The following IFTAP variants were observed in gnomAD, a reference collection of about 807,000 sequenced individuals.
IFTAP encodes the protein intraflagellar transport-associated protein.
Under a neutral mutation model 19.4 loss-of-function variants are expected in IFTAP, and 19 were observed. The ratio of observed to expected loss-of-function variants is 0.98; its 90% CI spans 0.68 to 1.44. IFTAP has a LOEUF of 1.44. IFTAP is among the 40% of genes most tolerant of loss of function. The probability of loss-of-function intolerance (pLI) is 0.00; values close to 1 mark genes in which losing one functional copy is unlikely to be tolerated. For missense variants in IFTAP, 240 were observed against 253.6 expected, an observed-to-expected ratio of 0.95 and a Z score of 0.36; for synonymous variants, 85 against 83.5, an observed-to-expected ratio of 1.02 and a Z score of -0.10.
chr11:36,625,962 C>T (rs1358834523), intron 2 of IFTAP, among the ~76,000 whole-genome samples: 1 of 151,434 alleles, frequency 6.6e-6, no homozygotes, highest in East Asian at 1.9e-4. Context: ...GCAAGGAGGC[C>T]GGTGTGGCTG....
intron 4 of IFTAP, among the ~76,000 whole-genome samples, chr11:36,641,229 C>T (rs975030995): frequency 6.6e-6 from 1 of 151,948 alleles, no homozygotes; most frequent in African/African-American, 2.4e-5. Flanking sequence ...TAAAATAATG[C>T]TTCTCAATAT....
intron 5 of IFTAP, among the ~76,000 whole-genome samples, chr11:36,654,950 A>G (rs1853913425): frequency 6.6e-6 from 1 of 152,130 alleles, no homozygotes; most frequent in South Asian, 2.1e-4. Context: ...CCTGTCTCAT[A>G]TAATTTCCAA....
At chr11:36,612,800 C>CA (rs1488209058) in intron 2 of IFTAP, among the ~76,000 whole-genome samples, 1 of 151,994 alleles carries the variant, frequency 6.6e-6, no homozygotes, top group African/African-American at 2.4e-5. Flanking sequence ...TTAAAAGGGT[C>CA]AGTAATCCTA....
chr11:36,619,154 A>G (rs144109219), intron 2 of IFTAP, among the ~76,000 whole-genome samples: 1 of 152,042 alleles, frequency 6.6e-6, no homozygotes, highest in East Asian at 1.9e-4. Flanking sequence ...CGTTCTGTCA[A>G]GAGCTTAGAA....
At chr11:36,624,832 G>A (rs758050418) in intron 2 of IFTAP, among the ~76,000 whole-genome samples, 9 of 149,362 alleles carry the variant, frequency 6.0e-5, no homozygotes, top group Non-Finnish European at 1.3e-4. Flanking sequence ...AGATGACTTT[G>A]TGGAGCAAGG....
chr11:36,604,311 G>T (rs1169306263), intron 1 of IFTAP, among the ~76,000 whole-genome samples: 1 of 152,196 alleles, frequency 6.6e-6, no homozygotes, highest in African/African-American at 2.4e-5. Flanking sequence ...AACTTTTTTG[G>T]TGATAATGAA....
intron 1 of IFTAP, among the ~76,000 whole-genome samples, chr11:36,596,225 T>G (rs1015577718): frequency 1.3e-5 from 2 of 149,946 alleles, no homozygotes; most frequent in African/African-American, 2.4e-5. Flanking sequence ...TTTTTTTGTT[T>G]TTTTTTTTTT....
chr11:36,620,780 C>T (rs915301749), intron 2 of IFTAP, among the ~76,000 whole-genome samples: 2 of 151,726 alleles, frequency 1.3e-5, no homozygotes, highest in African/African-American at 4.8e-5. Context: ...AATATGCGTT[C>T]TCAGTGAAGA....
intron 2 of IFTAP, among the ~76,000 whole-genome samples, chr11:36,622,482 A>C (rs1852336647): frequency 6.6e-6 from 1 of 152,058 alleles, no homozygotes; most frequent in African/African-American, 2.4e-5. Flanking sequence ...TCATTTTGTT[A>C]CGGGCAGGGC....
chr11:36,628,074 G>T (rs377715868), intron 2 of IFTAP, among the ~76,000 whole-genome samples: 1 of 149,880 alleles, frequency 6.7e-6, no homozygotes, highest in African/African-American at 2.5e-5. Context: ...TCTCACCTGG[G>T]TTACTATGGT....
chr11:36,653,521 C>A (rs1853834216), intron 5 of IFTAP, among the ~76,000 whole-genome samples: 1 of 152,082 alleles, frequency 6.6e-6, no homozygotes. Flanking sequence ...ATCTAAAAAC[C>A]TTGGCATCTT....
intron 2 of IFTAP, among the ~76,000 whole-genome samples, chr11:36,628,637 A>C (rs537249898): frequency 6.6e-6 from 1 of 151,404 alleles, no homozygotes; most frequent in South Asian, 2.1e-4. Context: ...TGAGCTCCGT[A>C]ACTCAGCCAC....
intron 2 of IFTAP, among the ~76,000 whole-genome samples, chr11:36,629,679 A>G (rs1193493027): frequency 6.6e-6 from 1 of 151,472 alleles, no homozygotes; most frequent in East Asian, 1.9e-4. Context: ...TTATCAAGAC[A>G]TCAAAAGTTT....
intron 4 of IFTAP, among the ~76,000 whole-genome samples, chr11:36,638,969 A>G (rs761397028): frequency 2.0e-5 from 3 of 152,158 alleles, no homozygotes; most frequent in Non-Finnish European, 4.4e-5. Context: ...CAGTTTTCTG[A>G]GGGTAGCGTC....
At position 36,610,116 on chromosome 11, in the gene IFTAP, A is replaced by T; in HGVS notation, c.13A>T (p.Met5Leu). 2 of 1,613,128 alleles carry T rather than the reference A, an allele frequency of 1.2e-6. No homozygotes were observed. Among genetic ancestry groups the T allele is most frequent in the East Asian group, 4.5e-5 (2 of 44,804 alleles). The change falls in exon 2 of 6, where the codon ATG becomes TTG. Residue 5 changes from methionine (M) to leucine (L), a missense_variant. Met to Leu is a conservative substitution (Grantham distance 15, BLOSUM62 2). Transcript: ENST00000334307. MSAH[M>L]SGLEIMDEDQ... ...CTCATGAATAGGAATGTCTGCCCAT[A>T]TGTCAGGATTGGAAATAATGGATGA...
At chr11:36,644,189 G>C (rs932465372) in intron 4 of IFTAP, among the ~76,000 whole-genome samples, 4 of 152,030 alleles carry the variant, frequency 2.6e-5, no homozygotes, top group Non-Finnish European at 4.4e-5. Context: ...GTGAGCAAAG[G>C]ATATGAACAG....
chr11:36,653,718 A>G (rs16929268), intron 5 of IFTAP, among the ~76,000 whole-genome samples: 14,425 of 152,232 alleles, frequency 0.095, 842 homozygotes, highest in African/African-American at 0.15. Flanking sequence ...ACTTTGAATT[A>G]CTTATGTGTC....
chr11:36,656,603 C>T (rs1039668873), intron 5 of IFTAP, among the ~76,000 whole-genome samples: 2 of 152,114 alleles, frequency 1.3e-5, no homozygotes, highest in East Asian at 1.9e-4. Flanking sequence ...GAAGCTTCTG[C>T]ACTTTCCTCT....
intron 1 of IFTAP, among the ~76,000 whole-genome samples, chr11:36,604,772 T>TCAA (rs1851632804): frequency 6.6e-6 from 1 of 152,128 alleles, no homozygotes; most frequent in African/African-American, 2.4e-5. Flanking sequence ...AATAGAGTCA[T>TCAA]TAGTTGACAG....
Sources: allele counts gnomAD v4.1 joint callset (sites outside exome capture counted in the v4.1 genomes callset), GRCh38; gene constraint gnomAD v4.1.1; transcripts MANE v1.5; gene names NCBI Gene and HGNC (gene_info 2026-07-23, HGNC 2026-07-21).